Variants in RIMS2 observed in about 807,000 individuals in gnomAD.
The protein encoded by RIMS2 is regulating synaptic membrane exocytosis 2, also known as regulating synaptic membrane exocytosis protein 2.
In RIMS2, 59 loss-of-function variants were observed where a neutral mutation model predicts 174.4. That is an observed-to-expected ratio of 0.34 (90% CI 0.27 to 0.42). RIMS2 has a LOEUF of 0.42. RIMS2 is among the 10% of genes least tolerant of loss of function. RIMS2 has a pLI of 1.00. For synonymous variants in RIMS2, 606 were observed against 572.5 expected (o/e 1.06, Z -0.84); for missense variants, 1,620 against 1,666.3 (o/e 0.97, Z 0.48).
At chr8:103,687,507 T>C (rs1431245658) in intron 1 of RIMS2, among the ~76,000 whole-genome samples, 21 of 152,146 alleles carry the variant, frequency 1.4e-4, no homozygotes, top group Admixed American at 1.4e-3. Flanking sequence ...ATATGCATTA[T>C]CTCACATACT....
At chr8:103,967,862 T>A (rs1596028078) in intron 15 of RIMS2, among the ~76,000 whole-genome samples, 1 of 146,880 alleles carries the variant, frequency 6.8e-6, no homozygotes, top group South Asian at 2.2e-4. Context: ...TTTTTTTTTT[T>A]TTTTTTTTTG....
chr8:104,135,739 T>C (rs1187886787), intron 19 of RIMS2, among the ~76,000 whole-genome samples: 1 of 151,792 alleles, frequency 6.6e-6, no homozygotes, highest in African/African-American at 2.4e-5. Context: ...CTCAAAAGTT[T>C]AAGATATTTG....
chr8:103,660,286 A>G (rs1254964146), intron 1 of RIMS2, among the ~76,000 whole-genome samples: 1 of 152,198 alleles, frequency 6.6e-6, no homozygotes, highest in Non-Finnish European at 1.5e-5. Flanking sequence ...CTGCAGTACC[A>G]CAAGATCATG....
At chr8:103,801,866 A>T (rs899763745) in intron 3 of RIMS2, among the ~76,000 whole-genome samples, 1 of 152,308 alleles carries the variant, frequency 6.6e-6, no homozygotes, top group East Asian at 1.9e-4. Context: ...CCAATATCCA[A>T]TGTCATAATC....
At chr8:103,683,600 A>T (rs868630157) in intron 1 of RIMS2, among the ~76,000 whole-genome samples, 1 of 152,004 alleles carries the variant, frequency 6.6e-6, no homozygotes, top group South Asian at 2.1e-4. Flanking sequence ...TGCTCTTTCT[A>T]TTTTTTCTGT....
intron 19 of RIMS2, among the ~76,000 whole-genome samples, chr8:104,205,647 ATAGT>A (rs1426384685): frequency 9.2e-5 from 14 of 152,148 alleles, no homozygotes; most frequent in Non-Finnish European, 5.9e-5. Flanking sequence ...ACTTAAAGTG[ATAGT>A]TAAGAATACA....
rs943889996 is a variant in RIMS2, at chr8:103,770,787, C to T, written c.698+4250C>T. 2.0e-5 allele frequency among the ~76,000 whole-genome samples: 3 copies of T among 151,982 alleles called. No homozygotes were observed. In the Middle Eastern group the frequency reaches 0.01, roughly 517 times the overall value. On this transcript the variant is annotated intron_variant, in intron 3 of 23. Transcript: ENST00000504942. ...CCAGCTTCTATCCTTCTCTTTCTGTCTCTCTTTCTTCTTTCTTATCAGAAT... is the reference window on the plus strand; with the variant it reads ...CCAGCTTCTATCCTTCTCTTTCTGTTTCTCTTTCTTCTTTCTTATCAGAAT...
chr8:103,674,576 G>T (rs1157797074), intron 1 of RIMS2, among the ~76,000 whole-genome samples: 1 of 151,440 alleles, frequency 6.6e-6, no homozygotes, highest in African/African-American at 2.4e-5. Context: ...CTCAACAAAT[G>T]CATATTTTTA....
intron 1 of RIMS2, among the ~76,000 whole-genome samples, chr8:103,611,552 A>T (rs565811341): frequency 6.8e-6 from 1 of 147,464 alleles, no homozygotes; most frequent in Non-Finnish European, 1.5e-5. Context: ...TTTTTGTCAG[A>T]TGTAGTATTT....
At chr8:103,525,129 T>G (rs1006449564) in intron 1 of RIMS2, among the ~76,000 whole-genome samples, 3 of 152,200 alleles carry the variant, frequency 2.0e-5, no homozygotes, top group African/African-American at 7.2e-5. Context: ...TTAATCATAA[T>G]AAGAAGAAAG....
intron 19 of RIMS2, 33 bp from the exon 24 acceptor site, chr8:104,093,438 A>G: frequency 6.7e-7 from 1 of 1,491,612 alleles, no homozygotes; most frequent in Non-Finnish European, 9.1e-7. Flanking sequence ...TAATACTGAC[A>G]ACTTCTGCGT....
chr8:104,233,378 C>G (rs2099241771), intron 19 of RIMS2, among the ~76,000 whole-genome samples: 1 of 152,036 alleles, frequency 6.6e-6, no homozygotes, highest in Non-Finnish European at 1.5e-5. Context: ...TCTGTTAAAT[C>G]TAATTTAAAT....
chr8:104,087,696 C>T (rs1407044692), intron 19 of RIMS2, among the ~76,000 whole-genome samples: 2 of 152,122 alleles, frequency 1.3e-5, no homozygotes, highest in African/African-American at 4.8e-5. Context: ...TTATTTACAA[C>T]AGTATGTTTC....
intron 1 of RIMS2, among the ~76,000 whole-genome samples, chr8:103,532,180 T>A (rs2130931812): frequency 6.6e-6 from 1 of 152,312 alleles, no homozygotes; most frequent in East Asian, 1.9e-4. Context: ...ACAAATATGA[T>A]CTTCTTTTCC....
At chr8:104,023,443 G>A (rs1241067222) in intron 19 of RIMS2, among the ~76,000 whole-genome samples, 1 of 152,010 alleles carries the variant, frequency 6.6e-6, no homozygotes, top group Non-Finnish European at 1.5e-5. Context: ...ATAAGTAGCT[G>A]GATTCTGAAT....
intron 1 of RIMS2, among the ~76,000 whole-genome samples, chr8:103,694,174 C>T (rs907213484): frequency 6.6e-6 from 1 of 152,106 alleles, no homozygotes; most frequent in Non-Finnish European, 1.5e-5. Context: ...ACCAGCATGG[C>T]ATTGGGTATG....
intron 19 of RIMS2, among the ~76,000 whole-genome samples, chr8:104,216,225 A>G (rs1452187485): frequency 6.6e-6 from 1 of 152,250 alleles, no homozygotes; most frequent in Admixed American, 6.5e-5. Flanking sequence ...AATACGCCAT[A>G]TAAGAAAACA....
chr8:104,188,950 T>C (rs1286741355), intron 19 of RIMS2, among the ~76,000 whole-genome samples: 1 of 151,932 alleles, frequency 6.6e-6, no homozygotes, highest in Non-Finnish European at 1.5e-5. Context: ...ATATTAGACT[T>C]TCATAAGGCT....
intron 1 of RIMS2, chr8:103,559,496 G>A: frequency 3.5e-6 from 1 of 282,420 alleles, no homozygotes; most frequent in Non-Finnish European, 6.7e-6. Context: ...GGTGGCTGCT[G>A]TGAGAAGGGA....
Sources: allele counts gnomAD v4.1 joint callset (sites outside exome capture counted in the v4.1 genomes callset), GRCh38; gene constraint gnomAD v4.1.1; transcripts MANE v1.5; gene names NCBI Gene and HGNC (gene_info 2026-07-23, HGNC 2026-07-21).